Variants in UNC93A observed in about 807,000 individuals in gnomAD.
UNC93A encodes N-acetylglucosamine transporter UNC93A.
UNC93A carries 43 observed loss-of-function variants against 47.5 expected under a neutral mutation model. That is an observed-to-expected ratio of 0.91 (90% confidence interval 0.71 to 1.17). The LOEUF is 1.17. UNC93A is among the 50% of genes most tolerant of loss of function. The pLI, the probability that UNC93A is intolerant of heterozygous loss-of-function variation, is 0.00. For synonymous variants in UNC93A, 280 were observed against 258.0 expected (o/e 1.09, Z -0.82); for missense variants, 605 against 577.6 (o/e 1.05, Z -0.49).
chr6:167,296,320 G>A (rs973607983), intron 3 of UNC93A, 59 bp downstream of exon 3: 1 of 1,565,282 alleles, frequency 6.4e-7, no homozygotes, highest in South Asian at 1.1e-5. Context: ...CAGTGATGGG[G>A]GAGAGGGTTC....
chr6:167,287,612 T>C (rs6900614), upstream of UNC93A, among the ~76,000 whole-genome samples: 2,906 of 152,052 alleles, frequency 0.019, 104 homozygotes, highest in African/African-American at 0.067. Context: ...ACTGTAGAAG[T>C]GGGTGCTGTA....
chr6:167,288,925 G>C (rs372376272), upstream of UNC93A, among the ~76,000 whole-genome samples: 138 of 152,398 alleles, frequency 9.1e-4, no homozygotes, highest in Middle Eastern at 3.4e-3. Flanking sequence ...AACGTCCAAT[G>C]AGTGACCTGC....
chr6:167,296,044 C>A lies in UNC93A; in HGVS notation c.282C>A (p.Ile94=). The change falls in exon 3 of 8, where the codon ATC becomes ATA. Residue 94 remains isoleucine (I), a synonymous_variant. Transcript: ENST00000230256. ...ATTTTACCCACAGGTACACTTTGATCCCCACCTCCATACTGCTGGGACTCG... is the reference window on the plus strand; with the variant it reads ...ATTTTACCCACAGGTACACTTTGATACCCACCTCCATACTGCTGGGACTCG... ...GNFFASWYTL[I]PTSILLGLGA... The A allele has an allele frequency of 6.2e-7, 1 of 1,614,108 alleles. No homozygotes were observed. Among genetic ancestry groups the A allele is most frequent in the Non-Finnish European group, 8.5e-7 (1 of 1,179,996 alleles).
At chr6:167,288,202 G>A (rs1783774443), upstream of UNC93A, among the ~76,000 whole-genome samples, 6 of 152,316 alleles carry the variant, frequency 3.9e-5, no homozygotes, top group South Asian at 1.2e-3. Context: ...AATTAGCTAA[G>A]GGTCTTGGCT....
intron 4 of UNC93A, among the ~76,000 whole-genome samples, chr6:167,300,113 C>T (rs917800450): frequency 6.6e-6 from 1 of 152,140 alleles, no homozygotes; most frequent in Non-Finnish European, 1.5e-5. Flanking sequence ...AGGCCGGGAA[C>T]ACCTGGCTTG....
chr6:167,283,687 TAC>T (rs1293643916), intron 1 of UNC93A, among the ~76,000 whole-genome samples: 1 of 152,062 alleles, frequency 6.6e-6, no homozygotes, highest in Non-Finnish European at 1.5e-5. Flanking sequence ...AAGTTTGAGA[TAC>T]ACACACACAC....
intron 1 of UNC93A, among the ~76,000 whole-genome samples, chr6:167,279,719 G>A (rs1406725926): frequency 6.6e-6 from 1 of 152,116 alleles, no homozygotes; most frequent in Non-Finnish European, 1.5e-5. Flanking sequence ...AGAAAAATGT[G>A]CGTATATTTT....
intron 1 of UNC93A, among the ~76,000 whole-genome samples, chr6:167,279,934 A>G (rs1195362943): frequency 1.3e-5 from 2 of 152,180 alleles, no homozygotes; most frequent in South Asian, 2.1e-4. Context: ...AAATAAGACT[A>G]CATGAATTAC....
chr6:167,314,441 G>GC (rs1441412065), intron 7 of UNC93A, among the ~76,000 whole-genome samples: 2 of 152,120 alleles, frequency 1.3e-5, no homozygotes, highest in East Asian at 1.9e-4. Context: ...TCCTGTCCCT[G>GC]CCCCCCACCT....
chr6:167,305,866 C>T (rs62438504), intron 5 of UNC93A, 49 bp from the exon 6 acceptor site: 76,204 of 1,611,804 alleles, frequency 0.047, 2,292 homozygotes, highest in African/African-American at 0.13. Context: ...AGCTTGAGCA[C>T]GGGAGGCCTG....
intron 1 of UNC93A, among the ~76,000 whole-genome samples, chr6:167,278,898 G>A (rs114278042): frequency 0.013 from 1,990 of 152,286 alleles, 48 homozygotes; most frequent in African/African-American, 0.046. Flanking sequence ...TAATGTCCAG[G>A]AAAAGTTGTC....
In UNC93A at chr6:167,291,556, G is replaced by A; in HGVS notation, c.67G>A (p.Gly23Arg). 6.2e-7 allele frequency: 1 copy of A among 1,613,384 alleles called. No individual in the cohort carries two copies. The highest frequency in any genetic ancestry group is 1.1e-5 in the South Asian group (1 of 90,828). ...FGFLLLFTAY[G>R]GLQSLQSSLY... ...GTTCCTGCTTCTCTTTACAGCCTAT[G>A]GAGGTCTGCAGAGCCTGCAGGTATG... The change falls in exon 1 of 8, where the codon GGA (glycine) becomes AGA (arginine). Residue 23 changes from glycine (G) to arginine (R), a missense_variant. Transcript: ENST00000230256.
intron 1 of UNC93A, among the ~76,000 whole-genome samples, chr6:167,275,231 G>A (rs1783519672): frequency 6.6e-6 from 1 of 152,242 alleles, no homozygotes; most frequent in African/African-American, 2.4e-5. Flanking sequence ...TGTTGGACCA[G>A]TTCAGCCTGT....
Position 167,291,585 on chromosome 6 carries a change from G to T in UNC93A, c.87+9G>T. On this transcript the variant is annotated intron_variant, in intron 1 of 7. Transcript: ENST00000230256. The stretch of plus-strand genomic sequence containing the variant: ...GTCTGCAGAGCCTGCAGGTATGTGT[G>T]TCCGGTCATCAAATTACCTGAACTT... The T allele has an allele frequency of 2.5e-6, 4 of 1,600,536 alleles. No homozygotes were observed. The highest frequency in any genetic ancestry group is 3.4e-6 in the Non-Finnish European group (4 of 1,174,964).
At chr6:167,280,289 C>T (rs1783610795) in intron 1 of UNC93A, among the ~76,000 whole-genome samples, 1 of 152,074 alleles carries the variant, frequency 6.6e-6, no homozygotes, top group African/African-American at 2.4e-5. Flanking sequence ...TTTGTAGAGG[C>T]TGGGGGAGGG....
chr6:167,285,430 C>T (rs1783709717), intron 1 of UNC93A, among the ~76,000 whole-genome samples: 1 of 151,814 alleles, frequency 6.6e-6, no homozygotes, highest in South Asian at 2.1e-4. Flanking sequence ...GAGTTGCCAG[C>T]CAGGAGGGGA....
At chr6:167,285,158 A>C (rs1260699937) in intron 1 of UNC93A, among the ~76,000 whole-genome samples, 1 of 151,822 alleles carries the variant, frequency 6.6e-6, no homozygotes, top group African/African-American at 2.4e-5. Context: ...CCTGCCCGAG[A>C]GAGGGTGGCT....
upstream of UNC93A, among the ~76,000 whole-genome samples, chr6:167,288,607 GT>G (rs1357262337): frequency 6.6e-6 from 1 of 152,116 alleles, no homozygotes; most frequent in Non-Finnish European, 1.5e-5. Flanking sequence ...ATACATTTGA[GT>G]TTATTTGGTA....
intron 4 of UNC93A, among the ~76,000 whole-genome samples, chr6:167,299,925 A>C (rs1778194392): frequency 6.6e-6 from 1 of 152,188 alleles, no homozygotes; most frequent in South Asian, 2.1e-4. Context: ...CGTGACTTAG[A>C]GGTGCAGAGA....
Sources: allele counts gnomAD v4.1 joint callset (sites outside exome capture counted in the v4.1 genomes callset), GRCh38; gene constraint gnomAD v4.1.1; transcripts MANE v1.5; gene names NCBI Gene and HGNC (gene_info 2026-07-23, HGNC 2026-07-21).